PBX1: variants seen among roughly 807,000 people sequenced by gnomAD.
The protein encoded by PBX1 is pre-B-cell leukemia transcription factor 1.
A neutral mutation model predicts 53.4 loss-of-function variants in PBX1; 6 were observed. The observed-to-expected ratio is 0.11, with a 90% CI of 0.06 to 0.22. The LOEUF is 0.22. Among genes scored for constraint, PBX1 ranks in the 10% least tolerant of loss-of-function variants. PBX1 has a pLI of 1.00. For synonymous variants in PBX1, 204 were observed against 212.3 expected (o/e 0.96, Z 0.34); for missense variants, 251 against 551.4 (o/e 0.46, Z 5.46).
At chr1:164,820,802 G>T (rs1351089939) in intron 7 of PBX1, among the ~76,000 whole-genome samples, 1 of 152,134 alleles carries the variant, frequency 6.6e-6, no homozygotes, top group African/African-American at 2.4e-5. Flanking sequence ...GATACTTGAA[G>T]AAGCCATCCT....
chr1:164,676,583 G>T (rs1012679387), intron 2 of PBX1, among the ~76,000 whole-genome samples: 1 of 152,178 alleles, frequency 6.6e-6, no homozygotes, highest in Admixed American at 6.5e-5. Context: ...AGCTTTTTGG[G>T]CACAGACACC....
chr1:164,858,479 G>A (rs1406027450), intron 2 of PBX1, among the ~76,000 whole-genome samples: 6 of 147,360 alleles, frequency 4.1e-5, no homozygotes, highest in African/African-American at 1.3e-4. Context: ...ACACACACAC[G>A]CTGTGGCTGA....
intron 2 of PBX1, among the ~76,000 whole-genome samples, chr1:164,564,193 C>T (rs1419545578): frequency 3.9e-5 from 6 of 152,080 alleles, no homozygotes; most frequent in Admixed American, 3.9e-4. Context: ...TTATATAAAG[C>T]GGGAGCTTCT....
At chr1:164,744,989 T>C (rs1305313872) in intron 2 of PBX1, among the ~76,000 whole-genome samples, 2 of 152,150 alleles carry the variant, frequency 1.3e-5, no homozygotes, top group Non-Finnish European at 2.9e-5. Context: ...GGTAATGTTT[T>C]TATTCTCTAC....
At chr1:164,693,292 G>A (rs1333202148) in intron 2 of PBX1, among the ~76,000 whole-genome samples, 1 of 152,210 alleles carries the variant, frequency 6.6e-6, no homozygotes, top group Non-Finnish European at 1.5e-5. Context: ...TTTTCAGGGT[G>A]GCCCTGAGAT....
intron 2 of PBX1, among the ~76,000 whole-genome samples, chr1:164,637,389 C>T (rs1273810660): frequency 6.6e-6 from 1 of 152,152 alleles, no homozygotes; most frequent in Non-Finnish European, 1.5e-5. Context: ...TTATGTGGGT[C>T]TAGCGTGAAA....
At chr1:164,635,879 T>G (rs1658739188) in intron 2 of PBX1, among the ~76,000 whole-genome samples, 1 of 152,240 alleles carries the variant, frequency 6.6e-6, no homozygotes, top group East Asian at 1.9e-4. Flanking sequence ...TTGTTCTCTC[T>G]CTGTGTGGCA....
intron 8 of PBX1, among the ~76,000 whole-genome samples, chr1:164,834,067 G>GTGTGTGTGTGTGTGTGTA (rs1558035612): frequency 1.3e-5 from 2 of 149,108 alleles, no homozygotes; most frequent in African/African-American, 5.1e-5. Context: ...GTGTGTGTGT[G>GTGTGTGTGTGTGTGTGTA]TGTATTCAGA....
In PBX1 at chr1:164,780,778, A is replaced by T. The variant is rs74121230; in HGVS notation, c.266-11716A>T. ...CTGGTCTAGTGAAGATTAAAGGCAT[A>T]ATTTGCAATCTGGAGCTCATAATCT... On this transcript the variant is annotated intron_variant, in intron 2 of 8. Transcript: ENST00000420696. Among the ~76,000 whole-genome samples, 44 of 152,234 alleles carry T rather than the reference A, an allele frequency of 2.9e-4. 1 individual carries two copies. Among genetic ancestry groups the T allele is most frequent in the African/African-American group, 1.0e-3 (42 of 41,518 alleles).
chr1:164,639,504 G>T (rs1658989555), intron 2 of PBX1: 1 of 152,202 alleles, frequency 6.6e-6, no homozygotes, highest in Non-Finnish European at 1.5e-5. Flanking sequence ...GTACAGAGCA[G>T]TGGGATGATT....
At chr1:164,815,984 TA>T (rs1459863504) in intron 6 of PBX1, 1 of 152,180 alleles carries the variant, frequency 6.6e-6, no homozygotes, top group Non-Finnish European at 1.5e-5. Context: ...AGAGAGAAGG[TA>T]ACACATACAG....
intron 2 of PBX1, among the ~76,000 whole-genome samples, chr1:164,571,878 T>TA: frequency 1.6e-5 from 1 of 61,112 alleles, no homozygotes; most frequent in South Asian, 5.7e-4. Context: ...ACATTGTATA[T>TA]ATATATATAT....
intron 5 of PBX1, among the ~76,000 whole-genome samples, chr1:164,811,403 T>C (rs987838224): frequency 3.3e-5 from 5 of 152,256 alleles, no homozygotes; most frequent in Admixed American, 6.5e-5. Flanking sequence ...TTTTTCCTTA[T>C]GTAGATAACA....
intron 8 of PBX1, among the ~76,000 whole-genome samples, chr1:164,827,010 A>G (rs1670502980): frequency 6.6e-6 from 1 of 152,154 alleles, no homozygotes. Context: ...GGTAAGGGGG[A>G]AAAAGGAACA....
chr1:164,788,964 T>G (rs1221080476), intron 2 of PBX1, among the ~76,000 whole-genome samples: 2 of 152,194 alleles, frequency 1.3e-5, no homozygotes, highest in Admixed American at 1.3e-4. Context: ...AGTATTTATT[T>G]GCAGGATTCA....
intron 2 of PBX1, among the ~76,000 whole-genome samples, chr1:164,780,568 G>A (rs1000671727): frequency 2.6e-5 from 4 of 152,098 alleles, no homozygotes; most frequent in Non-Finnish European, 4.4e-5. Context: ...CAGGGAAGAC[G>A]TCTGGGAGAA....
At chr1:164,790,876 C>T (rs960190967) in intron 2 of PBX1, among the ~76,000 whole-genome samples, 6 of 152,180 alleles carry the variant, frequency 3.9e-5, no homozygotes, top group African/African-American at 1.4e-4. Context: ...TTCCCTGTTA[C>T]AACCCGAAGC....
intron 6 of PBX1, chr1:164,817,487 G>T (rs1057368520): frequency 6.6e-6 from 1 of 152,218 alleles, no homozygotes; most frequent in African/African-American, 2.4e-5. Flanking sequence ...AGAGTGAGAA[G>T]CCATGGTAAT....
At chr1:164,571,873 GTATATATATATA>G (rs59338120) in intron 2 of PBX1, among the ~76,000 whole-genome samples, 1,723 of 29,886 alleles carry the variant, frequency 0.058, 70 homozygotes, top group Admixed American at 0.17. Flanking sequence ...TCTGTACATT[GTATATATATATA>G]TATATATATA....
Sources: gnomAD v4.1 joint callset for allele counts (sites outside exome capture counted in the v4.1 genomes callset) on GRCh38, gnomAD v4.1.1 for gene constraint, MANE v1.5 for transcripts, NCBI Gene and HGNC (gene_info 2026-07-23, HGNC 2026-07-21) for gene names.